The following NCMAP variants were observed in gnomAD, a reference collection of about 807,000 sequenced individuals.
NCMAP encodes the protein non-compact myelin associated protein.
NCMAP carries 8 observed loss-of-function variants against 7.8 expected under a neutral mutation model. The ratio of observed to expected loss-of-function variants is 1.02; its 90% confidence interval spans 0.60 to 1.84. NCMAP has a LOEUF of 1.84. Among genes scored for constraint, NCMAP ranks in the 40% most tolerant of loss-of-function variants. The pLI, the probability that NCMAP is intolerant of heterozygous loss-of-function variation, is 0.00. For missense variants in NCMAP, 112 were observed against 131.4 expected (o/e 0.85, Z 0.72); for synonymous variants, 41 against 52.9 (o/e 0.78, Z 0.98).
chr1:24,566,066 G>A (rs1651220483), intron 1 of NCMAP, among the ~76,000 whole-genome samples: 1 of 152,104 alleles, frequency 6.6e-6, no homozygotes, highest in African/African-American at 2.4e-5. Context: ...CTTCCTCCAT[G>A]ACTGTAAGTT....
chr1:24,572,448 GGC>G (rs1651417258), intron 1 of NCMAP, among the ~76,000 whole-genome samples: 2 of 150,560 alleles, frequency 1.3e-5, no homozygotes, highest in South Asian at 4.1e-4. Flanking sequence ...GGCTGAGCTC[GGC>G]ACCTGCTATG....
chr1:24,573,165 CA>C (rs1651440132), intron 1 of NCMAP, among the ~76,000 whole-genome samples: 1 of 150,814 alleles, frequency 6.6e-6, no homozygotes, highest in Non-Finnish European at 1.5e-5. Flanking sequence ...GAGGTTCTCC[CA>C]GGCCCCATCA....
intron 1 of NCMAP, among the ~76,000 whole-genome samples, chr1:24,562,122 C>T (rs779342583): frequency 6.6e-6 from 1 of 152,186 alleles, no homozygotes; most frequent in Non-Finnish European, 1.5e-5. Flanking sequence ...TGTTCTGCCT[C>T]CTAAGGGTAA....
At chr1:24,599,811 C>T (rs993061449) in intron 2 of NCMAP, among the ~76,000 whole-genome samples, 9 of 92,130 alleles carry the variant, frequency 9.8e-5, no homozygotes, top group African/African-American at 3.2e-4. Context: ...CTCCTGACCT[C>T]GTGATCCGCC....
intron 1 of NCMAP, among the ~76,000 whole-genome samples, chr1:24,571,907 G>A (rs1651400862): frequency 6.6e-6 from 1 of 150,900 alleles, no homozygotes; most frequent in Non-Finnish European, 1.5e-5. Flanking sequence ...TGAATGAGAT[G>A]TTTTACATTC....
chr1:24,558,369 T>A (rs556538063), intron 1 of NCMAP, among the ~76,000 whole-genome samples: 2 of 152,294 alleles, frequency 1.3e-5, no homozygotes, highest in South Asian at 4.1e-4. Flanking sequence ...GTGGAATGCA[T>A]CCACCCAGGC....
intron 2 of NCMAP, among the ~76,000 whole-genome samples, chr1:24,597,970 G>A (rs142467036): frequency 6.6e-6 from 1 of 152,000 alleles, no homozygotes; most frequent in Non-Finnish European, 1.5e-5. Flanking sequence ...ACAGTTTGGT[G>A]GGGGTGGGGG....
In NCMAP at chr1:24,571,336, G is replaced by A. The variant is rs547806290; in HGVS notation, c.-8+15167G>A. ...CTAAAAATACAAAAATTAGCCAGGC[G>A]TGGTAGTGGACAGCTGTAATCCTAG... is the stretch of plus-strand genomic sequence containing the variant. On this transcript the variant is annotated intron_variant, in intron 1 of 3. Coordinates refer to ENST00000374392, the MANE Select transcript of NCMAP (RefSeq NM_001010980.5). Among the ~76,000 whole-genome samples the A allele has an allele frequency of 2.7e-5, 4 of 149,808 alleles. 1 individual carries two copies. Among genetic ancestry groups the A allele is most frequent in the Middle Eastern group, 3.2e-3 (1 of 314 alleles).
chr1:24,559,659 G>A (rs913668513), intron 1 of NCMAP, among the ~76,000 whole-genome samples: 1 of 152,218 alleles, frequency 6.6e-6, no homozygotes, highest in Non-Finnish European at 1.5e-5. Context: ...TCCTGCCTGG[G>A]CTGGACACAT....
chr1:24,556,324 C>T (rs928157797), intron 1 of NCMAP, among the ~76,000 whole-genome samples, 155 bp downstream of exon 1: 2 of 150,580 alleles, frequency 1.3e-5, no homozygotes, highest in Admixed American at 1.3e-4. Flanking sequence ...ACCCCCACAT[C>T]TGTTGGAGGA....
Position 24,572,489 on chromosome 1 carries a change from C to G in NCMAP, c.-8+16320C>G, listed in dbSNP as rs553396518. The stretch of plus-strand genomic sequence containing the variant: ...TGTGGGTAACAGATATGGTTCTGGG[C>G]AGCTCAGAGAGGAAGTGAAGAACCT... On this transcript the variant is annotated intron_variant, in intron 1 of 3. Transcript: ENST00000374392. Among the ~76,000 whole-genome samples the G allele has an allele frequency of 1.0e-4, 15 of 150,672 alleles. 1 individual carries two copies. The highest frequency in any genetic ancestry group is 3.7e-4 in the African/African-American group (15 of 40,036).
At chr1:24,588,240 C>A (rs1486996634) in intron 1 of NCMAP, among the ~76,000 whole-genome samples, 1 of 152,130 alleles carries the variant, frequency 6.6e-6, no homozygotes, top group Non-Finnish European at 1.5e-5. Context: ...CATCACCACA[C>A]CTGGCCTTAG....
chr1:24,587,155 C>T (rs1651904420), intron 1 of NCMAP, among the ~76,000 whole-genome samples: 1 of 152,188 alleles, frequency 6.6e-6, no homozygotes, highest in Non-Finnish European at 1.5e-5. Flanking sequence ...TGTCAGCCCC[C>T]CTCTGGAGTC....
intron 3 of NCMAP, among the ~76,000 whole-genome samples, 171 bp from the exon 4 acceptor site, chr1:24,605,435 G>C (rs74062036): frequency 0.054 from 8,187 of 152,250 alleles, 756 homozygotes; most frequent in African/African-American, 0.19. Context: ...CAGACTAGCT[G>C]ATGCCTAAGG....
At chr1:24,582,641 A>G (rs1651777201) in intron 1 of NCMAP, among the ~76,000 whole-genome samples, 2 of 152,102 alleles carry the variant, frequency 1.3e-5, no homozygotes, top group East Asian at 3.8e-4. Context: ...AGGCCCAGAA[A>G]TGAATTCTCC....
At chr1:24,561,527 T>A (rs1651052909) in intron 1 of NCMAP, among the ~76,000 whole-genome samples, 1 of 152,088 alleles carries the variant, frequency 6.6e-6, no homozygotes, top group Non-Finnish European at 1.5e-5. Flanking sequence ...GAGACGTGGG[T>A]CCTCCAGCTA....
chr1:24,572,126 A>G (rs1651409185), intron 1 of NCMAP, among the ~76,000 whole-genome samples: 1 of 149,980 alleles, frequency 6.7e-6, no homozygotes, highest in Non-Finnish European at 1.5e-5. Context: ...TAGCCATCCA[A>G]AGCTGGGGCA....
At chr1:24,559,607 A>G in intron 1 of NCMAP, among the ~76,000 whole-genome samples, 1 of 152,156 alleles carries the variant, frequency 6.6e-6, no homozygotes, top group East Asian at 1.9e-4. Flanking sequence ...TAAGACAGAG[A>G]GGCCTGTTCT....
At chr1:24,597,615 A>AAGAAAGAG (rs1652284776) in intron 2 of NCMAP, among the ~76,000 whole-genome samples, 5 of 69,048 alleles carry the variant, frequency 7.2e-5, no homozygotes, top group East Asian at 8.6e-4. Flanking sequence ...GAAAGAAAGA[A>AAGAAAGAG]AGAGAAAGAA....
Sources: allele counts gnomAD v4.1 joint callset (sites outside exome capture counted in the v4.1 genomes callset), GRCh38; gene constraint gnomAD v4.1.1; transcripts MANE v1.5; gene names NCBI Gene and HGNC (gene_info 2026-07-23, HGNC 2026-07-21).